Variants in TIPIN observed in about 807,000 individuals in gnomAD.
The protein encoded by TIPIN is TIMELESS interacting protein, also known as TIMELESS-interacting protein.
TIPIN carries 29 observed loss-of-function variants against 35.6 expected under a neutral mutation model. The observed-to-expected ratio is 0.82, with a 90% CI of 0.61 to 1.11. The LOEUF is 1.11. Ranked by LOEUF, TIPIN falls within the 50% of genes most tolerant of loss-of-function variation. TIPIN has a pLI of 0.00. For synonymous variants in TIPIN, 102 were observed against 121.5 expected (o/e 0.84, Z 1.06); for missense variants, 296 against 345.4 (o/e 0.86, Z 1.13).
At chr15:66,377,441 T>C (rs1234648163) in intron 1 of TIPIN, among the ~76,000 whole-genome samples, 1 of 152,126 alleles carries the variant, frequency 6.6e-6, no homozygotes, top group African/African-American at 2.4e-5. Flanking sequence ...CTTGGCTCAC[T>C]GCAACCTCCG....
chr15:66,355,500 A>G (rs1015103261), intron 1 of TIPIN, among the ~76,000 whole-genome samples: 9 of 151,956 alleles, frequency 5.9e-5, no homozygotes, highest in African/African-American at 1.9e-4. Flanking sequence ...CGGTAATCCC[A>G]GCACTATGGG....
chr15:66,338,839 A>G (rs2093064267), intron 7 of TIPIN, among the ~76,000 whole-genome samples: 1 of 147,978 alleles, frequency 6.8e-6, no homozygotes. Context: ...AAAAAAAGGA[A>G]AAAGTAAATT....
intron 6 of TIPIN, among the ~76,000 whole-genome samples, chr15:66,348,526 A>AT (rs2140456431): frequency 6.6e-6 from 1 of 151,362 alleles, no homozygotes; most frequent in Admixed American, 6.6e-5. Flanking sequence ...AAAAAAAAAA[A>AT]AAAATACAAA....
intron 6 of TIPIN, among the ~76,000 whole-genome samples, chr15:66,344,811 G>A (rs1349279587): frequency 6.6e-6 from 1 of 152,142 alleles, no homozygotes; most frequent in Admixed American, 6.6e-5. Context: ...CGAGGCTGCA[G>A]AGCTATGATC....
At chr15:66,382,409 G>C in intron 1 of TIPIN, 4 of 983,078 alleles carry the variant, frequency 4.1e-6, no homozygotes, top group Non-Finnish European at 4.8e-6. Context: ...GGTTGTCCTT[G>C]TATTTCTTCT....
At chr15:66,338,464 T>C (rs1324081259) in intron 7 of TIPIN, among the ~76,000 whole-genome samples, 1 of 152,168 alleles carries the variant, frequency 6.6e-6, no homozygotes, top group African/African-American at 2.4e-5. Flanking sequence ...CCATCAAGAA[T>C]AATGCTATCT....
rs1461146206 is a variant in TIPIN, at chr15:66,351,510, A to G, written c.288+15T>C. 1 of 1,600,968 alleles carries G rather than the reference A, an allele frequency of 6.2e-7. No homozygotes were observed. ...TTTTAAAAAACAAAGGTCTAACATA[A>G]AAATCAGTTCTTACCTCATGACCTT... On this transcript the variant is annotated intron_variant, in intron 4 of 7. Coordinates refer to ENST00000261881, the MANE Select transcript of TIPIN (RefSeq NM_017858.3).
intron 1 of TIPIN, chr15:66,386,486 T>C (rs1214446925): frequency 2.0e-5 from 3 of 152,748 alleles, no homozygotes; most frequent in African/African-American, 7.2e-5. Flanking sequence ...ACAAGTTTCC[T>C]ATTCCCCACG....
chr15:66,346,742 T>A (rs2093128404), intron 6 of TIPIN, among the ~76,000 whole-genome samples: 1 of 152,126 alleles, frequency 6.6e-6, no homozygotes, highest in South Asian at 2.1e-4. Flanking sequence ...TCCTATGCCA[T>A]CCATACATAC....
upstream of TIPIN, among the ~76,000 whole-genome samples, chr15:66,360,359 A>T (rs1257054272): frequency 6.6e-6 from 1 of 152,096 alleles, no homozygotes; most frequent in Non-Finnish European, 1.5e-5. Context: ...TAATCCCACC[A>T]CTTTGGGAGG....
At chr15:66,359,323 CAATT>C (rs1404438174), upstream of TIPIN, among the ~76,000 whole-genome samples, 5 of 152,006 alleles carry the variant, frequency 3.3e-5, no homozygotes, top group East Asian at 9.7e-4. Context: ...TAATATTAAG[CAATT>C]AATAAAATTA....
chr15:66,346,017 GA>G (rs2093122510), intron 6 of TIPIN, among the ~76,000 whole-genome samples: 1 of 151,740 alleles, frequency 6.6e-6, no homozygotes, highest in Non-Finnish European at 1.5e-5. Context: ...CGCAATCTCG[GA>G]TCACTGCAAC....
chr15:66,349,536 G>C, intron 4 of TIPIN, 99 bp from the exon 5 acceptor site: 1 of 1,439,944 alleles, frequency 6.9e-7, no homozygotes, highest in Middle Eastern at 1.8e-4. Context: ...AAATCACTGG[G>C]GTCATTTTAT....
chr15:66,356,759 G>C (rs1289450696), upstream of TIPIN: 12 of 984,070 alleles, frequency 1.2e-5, no homozygotes, highest in Non-Finnish European at 1.4e-5. Flanking sequence ...AAATCCGTGC[G>C]GGGGGCTGGG....
chr15:66,340,331 C>T (rs935526842), intron 7 of TIPIN, among the ~76,000 whole-genome samples: 2 of 151,650 alleles, frequency 1.3e-5, no homozygotes. Context: ...GTGCACACCA[C>T]CATGCACAGT....
At chr15:66,375,499 T>TTATATATATATATATATATATA (rs71139487) in intron 1 of TIPIN, among the ~76,000 whole-genome samples, 49 of 132,830 alleles carry the variant, frequency 3.7e-4, no homozygotes, top group Middle Eastern at 3.9e-3. Flanking sequence ...ATTGGAAAAG[T>TTATATATATATATATATATATA]TATATATATA....
upstream of TIPIN, among the ~76,000 whole-genome samples, chr15:66,357,056 C>G (rs899950152): frequency 6.6e-6 from 1 of 152,010 alleles, no homozygotes; most frequent in Non-Finnish European, 1.5e-5. Flanking sequence ...CCGACTAACA[C>G]CACCACACCG....
intron 2 of TIPIN, 67 bp from the exon 3 acceptor site, chr15:66,352,274 T>C: frequency 8.0e-7 from 1 of 1,253,244 alleles, no homozygotes; most frequent in Non-Finnish European, 1.1e-6. Context: ...TTATGTATCA[T>C]TTCCAAGCTG....
At chr15:66,354,155 A>T (rs746740463) in intron 1 of TIPIN, among the ~76,000 whole-genome samples, 1 of 152,144 alleles carries the variant, frequency 6.6e-6, no homozygotes, top group African/African-American at 2.4e-5. Context: ...TTTAATAAGT[A>T]CTGATTTATA....
Sources: allele counts gnomAD v4.1 joint callset (sites outside exome capture counted in the v4.1 genomes callset), GRCh38; gene constraint gnomAD v4.1.1; transcripts MANE v1.5; gene names NCBI Gene and HGNC (gene_info 2026-07-23, HGNC 2026-07-21).